Variants in CNTNAP2 observed in about 807,000 individuals in gnomAD.
CNTNAP2 encodes contactin associated protein 2, also known as contactin-associated protein-like 2.
CNTNAP2 carries 98 observed loss-of-function variants against 155.2 expected under a neutral mutation model. The observed-to-expected ratio is 0.63, with a 90% CI of 0.54 to 0.75. The LOEUF (loss-of-function observed/expected upper bound fraction) is 0.75, where lower values mean the gene tolerates loss of function less well. Among genes scored for constraint, CNTNAP2 ranks in the 30% least tolerant of loss-of-function variants. CNTNAP2 has a pLI of 0.00. For synonymous variants in CNTNAP2, 651 were observed against 631.2 expected, an observed-to-expected ratio of 1.03 and a Z score of -0.47; for missense variants, 1,727 against 1,688.1, an observed-to-expected ratio of 1.02 and a Z score of -0.40.
intron 1 of CNTNAP2, among the ~76,000 whole-genome samples, chr7:146,720,458 C>G (rs959013416): frequency 6.6e-6 from 1 of 152,104 alleles, no homozygotes. Flanking sequence ...ATACTCTGCT[C>G]ATGCTGAGGC....
chr7:148,228,823 G>A (rs1231512102), intron 19 of CNTNAP2, among the ~76,000 whole-genome samples: 3 of 28,798 alleles, frequency 1.0e-4, no homozygotes, highest in African/African-American at 3.2e-4. Context: ...GCGAGACTCT[G>A]TTTCAAAAAA....
chr7:147,860,806 C>T (rs1799122705), intron 13 of CNTNAP2, among the ~76,000 whole-genome samples: 1 of 152,194 alleles, frequency 6.6e-6, no homozygotes, highest in East Asian at 1.9e-4. Flanking sequence ...TGCACTAATA[C>T]AATATTTGGA....
At chr7:146,358,442 G>T (rs1795036400) in intron 1 of CNTNAP2, among the ~76,000 whole-genome samples, 1 of 152,162 alleles carries the variant, frequency 6.6e-6, no homozygotes, top group Admixed American at 6.5e-5. Context: ...CTGGACTGTA[G>T]ACTTTAGTCT....
At chr7:146,174,787 G>C (rs574180250) in intron 1 of CNTNAP2, among the ~76,000 whole-genome samples, 67 of 152,210 alleles carry the variant, frequency 4.4e-4, no homozygotes, top group African/African-American at 1.6e-3. Context: ...AGGTTGCAGT[G>C]AGCCGAGATC....
chr7:146,752,684 G>C (rs1280827530), intron 1 of CNTNAP2, among the ~76,000 whole-genome samples: 1 of 152,140 alleles, frequency 6.6e-6, no homozygotes, highest in African/African-American at 2.4e-5. Context: ...CAGACATAAA[G>C]TCTTTGCCCA....
At chr7:146,233,738 A>T (rs1389367722) in intron 1 of CNTNAP2, among the ~76,000 whole-genome samples, 2 of 151,848 alleles carry the variant, frequency 1.3e-5, no homozygotes, top group African/African-American at 4.8e-5. Context: ...TTCTTGCGAT[A>T]GTTTACTGAG....
intron 8 of CNTNAP2, among the ~76,000 whole-genome samples, chr7:147,267,498 C>G (rs142616586): frequency 2.0e-4 from 31 of 152,178 alleles, no homozygotes; most frequent in African/African-American, 6.7e-4. Flanking sequence ...CTCTGATGTT[C>G]TGTTTCAAAA....
intron 1 of CNTNAP2, among the ~76,000 whole-genome samples, chr7:146,367,292 G>T (rs1183785246): frequency 6.6e-6 from 1 of 152,128 alleles, no homozygotes; most frequent in Non-Finnish European, 1.5e-5. Flanking sequence ...TTTAGGTTAA[G>T]TAACCTACTC....
At chr7:147,983,539 C>T (rs929014703) in intron 15 of CNTNAP2, among the ~76,000 whole-genome samples, 7 of 152,228 alleles carry the variant, frequency 4.6e-5, no homozygotes, top group African/African-American at 1.7e-4. Context: ...AAGGTACAGG[C>T]TCAAGAGGTC....
intron 1 of CNTNAP2, among the ~76,000 whole-genome samples, chr7:146,169,402 G>C (rs1024996267): frequency 3.3e-5 from 5 of 152,114 alleles, no homozygotes; most frequent in East Asian, 1.9e-4. Context: ...TATATTGAAG[G>C]CATAATGTGA....
At chr7:147,513,191 T>A (rs1161776832) in intron 11 of CNTNAP2, among the ~76,000 whole-genome samples, 1 of 152,190 alleles carries the variant, frequency 6.6e-6, no homozygotes, top group African/African-American at 2.4e-5. Context: ...TTAAAAATAT[T>A]TGGTAAAGAG....
At chr7:146,505,141 A>G (rs1447443006) in intron 1 of CNTNAP2, among the ~76,000 whole-genome samples, 1 of 152,040 alleles carries the variant, frequency 6.6e-6, no homozygotes, top group Non-Finnish European at 1.5e-5. Flanking sequence ...CAGCCATGGA[A>G]CTCCTAGTGT....
At chr7:148,342,277 A>T (rs1432931121) in intron 21 of CNTNAP2, among the ~76,000 whole-genome samples, 1 of 152,230 alleles carries the variant, frequency 6.6e-6, no homozygotes. Flanking sequence ...CATCATTTTA[A>T]AATCTGTATT....
intron 1 of CNTNAP2, among the ~76,000 whole-genome samples, chr7:146,293,215 T>A (rs1800460264): frequency 6.6e-6 from 1 of 152,142 alleles, no homozygotes; most frequent in African/African-American, 2.4e-5. Flanking sequence ...GCACAATAAC[T>A]TCATTTTAAA....
At chr7:147,070,936 A>AGTGT (rs559952405) in intron 4 of CNTNAP2, among the ~76,000 whole-genome samples, 13 of 150,594 alleles carry the variant, frequency 8.6e-5, no homozygotes, top group South Asian at 2.1e-4. Flanking sequence ...TACCACTGGC[A>AGTGT]GTGTGTGTGT....
intron 11 of CNTNAP2, among the ~76,000 whole-genome samples, chr7:147,488,081 G>T (rs369397745): frequency 3.7e-4 from 57 of 152,212 alleles, no homozygotes; most frequent in African/African-American, 1.3e-3. Context: ...ATACATTGTA[G>T]CTTATTGAAG....
At chr7:146,784,543 G>A (rs908206392) in intron 2 of CNTNAP2, among the ~76,000 whole-genome samples, 1 of 152,198 alleles carries the variant, frequency 6.6e-6, no homozygotes, top group African/African-American at 2.4e-5. Context: ...TTAAGAAGAT[G>A]TGAAGAATAC....
intron 5 of CNTNAP2, among the ~76,000 whole-genome samples, chr7:147,116,366 A>G (rs1800989334): frequency 6.6e-6 from 1 of 152,150 alleles, no homozygotes; most frequent in Admixed American, 6.5e-5. Context: ...GCTGTGTTGG[A>G]GATTTCTTCA....
At chr7:146,659,877 C>G (rs1375448241) in intron 1 of CNTNAP2, among the ~76,000 whole-genome samples, 3 of 152,176 alleles carry the variant, frequency 2.0e-5, no homozygotes, top group Admixed American at 6.5e-5. Flanking sequence ...GGAAAAGTGC[C>G]TCCTTCCACA....
Sources: gnomAD v4.1 joint callset for allele counts (sites outside exome capture counted in the v4.1 genomes callset) on GRCh38, gnomAD v4.1.1 for gene constraint, MANE v1.5 for transcripts, NCBI Gene and HGNC (gene_info 2026-07-23, HGNC 2026-07-21) for gene names.